The following PKD2 variants were observed in gnomAD, a reference collection of about 807,000 sequenced individuals.
PKD2 encodes polycystin-2.
In PKD2, 48 loss-of-function variants were observed where a neutral mutation model predicts 105.9. That is an observed-to-expected ratio of 0.45 (90% CI 0.36 to 0.58). The LOEUF is 0.58. Among genes scored for constraint, PKD2 ranks in the 20% least tolerant of loss-of-function variants. The pLI is 0.00. For synonymous variants in PKD2, 464 were observed against 481.1 expected, an observed-to-expected ratio of 0.96 and a Z score of 0.46; for missense variants, 1,078 against 1,255.3, an observed-to-expected ratio of 0.86 and a Z score of 2.13.
chr4:88,040,094 CA>C (rs1481938196), intron 4 of PKD2, among the ~76,000 whole-genome samples: 1 of 152,136 alleles, frequency 6.6e-6, no homozygotes, highest in African/African-American at 2.4e-5. Context: ...CTTCACAAAA[CA>C]ACTCTAAAAT....
In PKD2 at chr4:88,008,324, G is replaced by T. The variant is rs1228056687; in HGVS notation, c.591G>T (p.Leu197=). The change falls in exon 1 of 15, where the codon CTG becomes CTT. Residue 197 remains leucine (L), a synonymous_variant. Transcript: ENST00000237596. ...VAWAERLVRG[L]RGLWGTRLME... ...GGGCGGAGAGGCTGGTTCGCGGGCT[G>T]CGAGGTAAGAGCGCGCGACCCGCAG... is the stretch of plus-strand genomic sequence containing the variant. 5 of 1,513,326 alleles carry T rather than the reference G, an allele frequency of 3.3e-6. No individual in the cohort carries two copies. In the Admixed American group the frequency reaches 8.2e-5, roughly 25 times the overall value. The allele number at this position is 1,513,326 out of a possible 1,614,324, so 93.7% of individuals were successfully genotyped here.
chr4:88,064,822 G>A (rs1578146755), intron 10 of PKD2, among the ~76,000 whole-genome samples: 1 of 152,006 alleles, frequency 6.6e-6, no homozygotes, highest in East Asian at 1.9e-4. Context: ...AGCTCAGGAG[G>A]TCGAGGCTGC....
chr4:88,024,304 A>G (rs1416865548), intron 2 of PKD2, among the ~76,000 whole-genome samples: 6 of 151,908 alleles, frequency 3.9e-5, no homozygotes, highest in Non-Finnish European at 8.8e-5. Context: ...AAGATATACA[A>G]AAATTAGCCG....
In PKD2 at chr4:88,018,409, G is replaced by A. The variant is rs915981300; in HGVS notation, c.596-1049G>A. 2.2e-4 allele frequency among the ~76,000 whole-genome samples: 34 copies of A among 152,220 alleles called. No homozygotes were observed. The Middle Eastern group carries it at 0.01, about 46-fold the overall frequency. ...TTTCCCTATGTGGCTTGATTGTGGC[G>A]AAAGTGGCTGTGTGAGTTTCCATTA... On this transcript the variant is annotated intron_variant, in intron 1 of 14. Transcript: ENST00000237596.
intron 8 of PKD2, among the ~76,000 whole-genome samples, chr4:88,057,269 G>T (rs1291382722): frequency 6.6e-6 from 1 of 151,524 alleles, no homozygotes; most frequent in Non-Finnish European, 1.5e-5. Context: ...GGGATTACAG[G>T]CATGAGCCAC....
At chr4:88,062,612 T>C (rs941870152) in intron 10 of PKD2, among the ~76,000 whole-genome samples, 50 of 152,234 alleles carry the variant, frequency 3.3e-4, no homozygotes, top group African/African-American at 1.2e-3. Context: ...CTTCTCAATG[T>C]AACTTCTTTA....
At position 88,043,215 on chromosome 4, in the gene PKD2, G is replaced by C. The variant is rs1345766202; in HGVS notation, c.1095-18G>C. 1 of 1,467,162 alleles carries C rather than the reference G, an allele frequency of 6.8e-7. No individual in the cohort carries two copies. The highest frequency in any genetic ancestry group is 9.5e-7 in the Non-Finnish European group (1 of 1,056,690). 90.9% of individuals were successfully genotyped at this position (1,467,162 alleles called of 1,614,324 possible). ...CACTGATTGTAACTGTTTGTTTTTTGGTTTTGTTTTTAATCAGTTGGATCT... is the reference window on the plus strand; with the variant it reads ...CACTGATTGTAACTGTTTGTTTTTTCGTTTTGTTTTTAATCAGTTGGATCT... On this transcript the variant is annotated intron_variant, in intron 4 of 14. Coordinates refer to ENST00000237596, the MANE Select transcript of PKD2 (RefSeq NM_000297.4).
intron 9 of PKD2, among the ~76,000 whole-genome samples, chr4:88,059,989 C>G (rs984218458): frequency 5.3e-5 from 8 of 152,142 alleles, no homozygotes; most frequent in Admixed American, 4.6e-4. Context: ...GGAAAGACAT[C>G]CTGGTGCAGA....
chr4:88,043,337 A>C lies in PKD2; in HGVS notation c.1199A>C (p.Glu400Ala). 3 of 1,613,914 alleles carry C rather than the reference A, an allele frequency of 1.9e-6. No individual in the cohort carries two copies. Among genetic ancestry groups the C allele is most frequent in the Non-Finnish European group, 2.5e-6 (3 of 1,179,818 alleles). ...TATCTGGATTTGTCAAGAACAAGAG[A>C]GGAAACAGCTGCACAAGTTGCTAGC... Reference protein sequence around the residue: ...GYYLDLSRTREETAAQVASLK... With the variant: ...GYYLDLSRTRAETAAQVASLK... Residue 400 changes from glutamate to alanine, a missense_variant, in exon 5 of 15, where the codon GAG becomes GCG. Glu to Ala is a moderately radical substitution (Grantham distance 107, BLOSUM62 -1). Around this residue, in one of 2 missense-constraint regions of PKD2, gnomAD observed 868 missense variants for 1,067.3 expected, o/e 0.81. Transcript: ENST00000237596.
chr4:88,046,336 T>C (rs781175185), intron 5 of PKD2, among the ~76,000 whole-genome samples: 8 of 152,188 alleles, frequency 5.3e-5, no homozygotes, highest in Non-Finnish European at 8.8e-5. Context: ...TGTGTTGATT[T>C]ACTTTTACAT....
intron 9 of PKD2, among the ~76,000 whole-genome samples, chr4:88,061,280 AT>A (rs1720561413): frequency 6.6e-6 from 1 of 152,212 alleles, no homozygotes; most frequent in Non-Finnish European, 1.5e-5. Flanking sequence ...ATAAGCAAAA[AT>A]AATATTAAAT....
Position 88,038,262 on chromosome 4 carries a change from C to A in PKD2, c.855C>A (p.Gly285=). 1 of 1,614,064 alleles carries A rather than the reference C, an allele frequency of 6.2e-7. No homozygotes were observed. Among genetic ancestry groups the A allele is most frequent in the Non-Finnish European group, 8.5e-7 (1 of 1,179,952 alleles). ...TCCTTTGCTTTTAGTTCACAGAAGG[C>A]TCCTTATTGGATGGGCTGTACTGGA... ...SMEDFWKFTE[G]SLLDGLYWKM... The change falls in exon 4 of 15, where the codon GGC becomes GGA. Residue 285 remains glycine, a synonymous_variant. Transcript: ENST00000237596.
At chr4:88,029,581 T>C (rs902530319) in intron 2 of PKD2, among the ~76,000 whole-genome samples, 3 of 152,224 alleles carry the variant, frequency 2.0e-5, no homozygotes. Flanking sequence ...AGAGGCTCTC[T>C]AATCTGTCTT....
intron 2 of PKD2, among the ~76,000 whole-genome samples, chr4:88,019,950 C>T (rs954026699): frequency 6.6e-6 from 1 of 152,118 alleles, no homozygotes; most frequent in Non-Finnish European, 1.5e-5. Context: ...AGTTCAATTC[C>T]AATTTAGAAT....
chr4:88,075,994 A>G lies in PKD2; in HGVS notation c.*300A>G, dbSNP rs930832631. On this transcript the variant is annotated 3_prime_UTR_variant, in exon 15 of 15. Transcript: ENST00000237596. ...CATGACTGAGTCTTCTCAGTTGACA[A>G]TGAAGTAGCCTTTTAAAGCTAGAAA... 2.0e-5 allele frequency: 7 copies of G among 344,220 alleles called. No individual in the cohort carries two copies. The highest frequency in any genetic ancestry group is 6.3e-5 in the East Asian group (1 of 15,796). The allele number at this position is 344,220 out of a possible 1,614,324, so 21.3% of individuals were successfully genotyped here.
intron 2 of PKD2, among the ~76,000 whole-genome samples, chr4:88,026,439 C>T (rs1337496943): frequency 6.6e-6 from 1 of 152,150 alleles, no homozygotes; most frequent in Non-Finnish European, 1.5e-5. Context: ...GAGAGGTGAC[C>T]TGGCTTTTCC....
In PKD2 at chr4:88,019,442, C is replaced by CATT; in HGVS notation, c.596-9_596-7dup. On this transcript the variant is annotated splice_polypyrimidine_tract_variant and intron_variant, in intron 1 of 14. Coordinates refer to ENST00000237596, the MANE Select transcript of PKD2 (RefSeq NM_000297.4). ...ATAAAATGATATCTTTTCTTTTCTT[C>CATT]ATTATTATTTTAAAGGTCTCTGGGG... is the stretch of plus-strand genomic sequence containing the variant. The CATT allele has an allele frequency of 8.2e-7, 1 of 1,220,216 alleles. No individual in the cohort carries two copies. Among genetic ancestry groups the CATT allele is most frequent in the Non-Finnish European group, 1.2e-6 (1 of 822,982 alleles). The allele number at this position is 1,220,216 out of a possible 1,614,324, so 75.6% of individuals were successfully genotyped here.
In PKD2 at chr4:88,022,916, G is replaced by A. The variant is rs11944042; in HGVS notation, c.709+3345G>A. On this transcript the variant is annotated intron_variant, in intron 2 of 14. Transcript: ENST00000237596. ...GACAACAAGGTGAAACCCCCTCTCT[G>A]CAAAAAATACAAAAATTATCTGGGC... Among the ~76,000 whole-genome samples, 371 of 151,942 alleles carry A rather than the reference G, an allele frequency of 2.4e-3. 3 individuals carry two copies. The highest frequency in any genetic ancestry group is 8.6e-3 in the African/African-American group (356 of 41,466).
At chr4:88,030,964 T>C (rs1727124157) in intron 2 of PKD2, among the ~76,000 whole-genome samples, 1 of 152,288 alleles carries the variant, frequency 6.6e-6, no homozygotes, top group African/African-American at 2.4e-5. Context: ...TGCATTTATA[T>C]ACTGATGGTC....
Sources: gnomAD v4.1 joint callset for allele counts (sites outside exome capture counted in the v4.1 genomes callset) on GRCh38, gnomAD v4.1.1 for gene constraint, gnomAD v4.1.1 regional missense constraint, MANE v1.5 for transcripts, NCBI Gene and HGNC (gene_info 2026-07-23, HGNC 2026-07-21) for gene names.